The following ZNF676 variants were observed in gnomAD, a reference collection of about 807,000 sequenced individuals.
ZNF676 encodes zinc finger protein 676.
Under a neutral mutation model 6.0 loss-of-function variants are expected in ZNF676, and 4 were observed. That is an observed-to-expected ratio of 0.67 (90% CI 0.33 to 1.53). The LOEUF (loss-of-function observed/expected upper bound fraction) is 1.53. Among genes scored for constraint, ZNF676 ranks in the 40% most tolerant of loss-of-function variants. ZNF676 has a pLI of 0.06. For missense variants in ZNF676, 644 were observed against 679.7 expected, an observed-to-expected ratio of 0.95 and a Z score of 0.58; for synonymous variants, 198 against 223.1, an observed-to-expected ratio of 0.89 and a Z score of 1.00.
intron 1 of ZNF676, among the ~76,000 whole-genome samples, chr19:22,212,778 C>T (rs548997278): frequency 5.9e-5 from 9 of 151,768 alleles, no homozygotes; most frequent in Non-Finnish European, 1.3e-4. Context: ...GGGTGGATCA[C>T]GAGGTCAAGA....
At chr19:22,208,936 G>C (rs1346654792) in intron 1 of ZNF676, among the ~76,000 whole-genome samples, 1 of 151,762 alleles carries the variant, frequency 6.6e-6, no homozygotes, top group Non-Finnish European at 1.5e-5. Context: ...GTGAGACCCT[G>C]TCTCCAAAAA....
At chr19:22,247,068 C>T in the ZNF676 span, among the ~76,000 whole-genome samples, 2 of 152,146 alleles carry the variant, frequency 1.3e-5, no homozygotes, top group African/African-American at 4.8e-5. Context: ...GAGGAGAAAA[C>T]TGAACCAAAG....
the ZNF676 span, among the ~76,000 whole-genome samples, chr19:22,256,990 C>T: frequency 3.3e-5 from 5 of 152,196 alleles, no homozygotes; most frequent in African/African-American, 1.2e-4. Flanking sequence ...TGGGCAGAGT[C>T]TAAGCAGGCA....
upstream of ZNF676, among the ~76,000 whole-genome samples, chr19:22,197,444 A>T (rs967110786): frequency 2.0e-5 from 3 of 150,806 alleles, no homozygotes; most frequent in Non-Finnish European, 4.4e-5. Flanking sequence ...GTGTGCAATA[A>T]GCTAGAGATC....
the ZNF676 span, among the ~76,000 whole-genome samples, chr19:22,227,271 A>G: frequency 3.3e-5 from 5 of 152,206 alleles, no homozygotes; most frequent in African/African-American, 1.2e-4. Flanking sequence ...CTGGGGAAAT[A>G]ATGAAATGAA....
At chr19:22,195,200 A>G (rs2023954271) in intron 1 of ZNF676, among the ~76,000 whole-genome samples, 1 of 152,204 alleles carries the variant, frequency 6.6e-6, no homozygotes, top group Non-Finnish European at 1.5e-5. Flanking sequence ...TACATGAGAA[A>G]TCTATCCATC....
At chr19:22,243,917 T>A in the ZNF676 span, 34 of 152,300 alleles carry the variant, frequency 2.2e-4, no homozygotes, top group African/African-American at 7.9e-4. Context: ...GTCCTAACAG[T>A]TGGCAGTTTC....
chr19:22,200,305 C>T (rs1291594132), upstream of ZNF676, among the ~76,000 whole-genome samples: 2 of 151,782 alleles, frequency 1.3e-5, no homozygotes, highest in South Asian at 2.1e-4. Flanking sequence ...GGTAAAAGAA[C>T]TACAAATAAT....
chr19:22,198,961 C>T (rs916746410), upstream of ZNF676, among the ~76,000 whole-genome samples: 1 of 149,904 alleles, frequency 6.7e-6, no homozygotes, highest in Non-Finnish European at 1.5e-5. Context: ...CTGGCCTCAC[C>T]TTAGAGTCAC....
Position 22,193,053 on chromosome 19 carries a change from C to A in ZNF676, c.93G>T (p.Trp31Cys), listed in dbSNP as rs760740767. ...CCACCATCTCATGTCTCTTCATATTCCAGGGCTCTTTTCCTTGCTCCAGAA... is the reference window on the plus strand; with the variant it reads ...CCACCATCTCATGTCTCTTCATATTACAGGGCTCTTTTCCTTGCTCCAGAA... ...IIFLEQGKEP[W>C]NMKRHEMVEE... The change falls in exon 2 of 3, where the codon TGG becomes TGT. Residue 31 changes from tryptophan to cysteine, a missense_variant. Coordinates refer to ENST00000397121, the MANE Select transcript of ZNF676 (RefSeq NM_001001411.3). 3.8e-5 allele frequency: 61 copies of A among 1,610,478 alleles called. No homozygotes were observed. The Admixed American group carries it at 9.6e-4, about 25-fold the overall frequency.
At chr19:22,211,269 T>C (rs1454610596) in intron 1 of ZNF676, among the ~76,000 whole-genome samples, 1 of 152,126 alleles carries the variant, frequency 6.6e-6, no homozygotes, top group Non-Finnish European at 1.5e-5. Flanking sequence ...TCTCTCACTA[T>C]AGAGGCTTCT....
At chr19:22,235,444 C>T in the ZNF676 span, among the ~76,000 whole-genome samples, 6 of 152,244 alleles carry the variant, frequency 3.9e-5, no homozygotes, top group Non-Finnish European at 8.8e-5. Context: ...CCAAATAGGC[C>T]CACTAGACAT....
At chr19:22,251,274 A>G in the ZNF676 span, among the ~76,000 whole-genome samples, 7 of 152,348 alleles carry the variant, frequency 4.6e-5, no homozygotes, top group Non-Finnish European at 8.8e-5. Context: ...TTATGCAAGT[A>G]AATCAGTTTT....
intron 2 of ZNF676, among the ~76,000 whole-genome samples, chr19:22,189,634 TA>T (rs2023878770): frequency 6.6e-6 from 1 of 152,038 alleles, no homozygotes; most frequent in Non-Finnish European, 1.5e-5. Context: ...GACAAAGGGC[TA>T]ATATCCAGGA....
At chr19:22,222,394 C>T in the ZNF676 span, among the ~76,000 whole-genome samples, 5 of 152,184 alleles carry the variant, frequency 3.3e-5, no homozygotes, top group African/African-American at 1.2e-4. Flanking sequence ...GTGTGAGCCA[C>T]TGTGCCTGGC....
chr19:22,179,876 T>C lies in ZNF676; in HGVS notation c.*74A>G, dbSNP rs1202940890. 19 of 1,497,952 alleles carry C rather than the reference T, an allele frequency of 1.3e-5. No homozygotes were observed. The highest frequency in any genetic ancestry group is 1.8e-5 in the Admixed American group (1 of 56,156). The allele number at this position is 1,497,952 out of a possible 1,614,324, so 92.8% of individuals were successfully genotyped here. On this transcript the variant is annotated 3_prime_UTR_variant, in exon 3 of 3. Coordinates refer to ENST00000397121, the MANE Select transcript of ZNF676 (RefSeq NM_001001411.3). ...CCACATTCTTCACCTTTGTAGATTT[T>C]CTCTCCAGTATGAATTTTCTTATGT...
the ZNF676 span, among the ~76,000 whole-genome samples, chr19:22,235,836 G>A: frequency 1.3e-5 from 2 of 152,062 alleles, no homozygotes; most frequent in East Asian, 3.9e-4. Context: ...AAAGCAAATT[G>A]CTTCTGGTGG....
chr19:22,214,340 C>T (rs1172230584), intron 1 of ZNF676, among the ~76,000 whole-genome samples: 1 of 152,084 alleles, frequency 6.6e-6, no homozygotes, highest in Non-Finnish European at 1.5e-5. Flanking sequence ...TTCGGCCAGG[C>T]GTGGCGGCTT....
At chr19:22,231,207 C>A in the ZNF676 span, among the ~76,000 whole-genome samples, 1 of 149,176 alleles carries the variant, frequency 6.7e-6, no homozygotes, top group Non-Finnish European at 1.5e-5. Flanking sequence ...CAAGGTATCA[C>A]AAAAAAAAAT....
Sources: allele counts gnomAD v4.1 joint callset (sites outside exome capture counted in the v4.1 genomes callset), GRCh38; gene constraint gnomAD v4.1.1; transcripts MANE v1.5; gene names NCBI Gene and HGNC (gene_info 2026-07-23, HGNC 2026-07-21).